The following EPHA6 variants were observed in gnomAD, a reference collection of about 807,000 sequenced individuals.
The protein encoded by EPHA6 is EPH receptor A6.
In EPHA6, 50 loss-of-function variants were observed where a neutral mutation model predicts 112.0. The ratio of observed to expected loss-of-function variants is 0.45; its 90% CI spans 0.36 to 0.56. The LOEUF (loss-of-function observed/expected upper bound fraction) is 0.56. Among genes scored for constraint, EPHA6 ranks in the 20% least tolerant of loss-of-function variants. The pLI is 0.00. For synonymous variants in EPHA6, 529 were observed against 490.7 expected (o/e 1.08, Z -1.03); for missense variants, 1,280 against 1,417.4 (o/e 0.90, Z 1.56).
At chr3:97,611,900 C>T (rs2093723367) in intron 13 of EPHA6, among the ~76,000 whole-genome samples, 1 of 151,918 alleles carries the variant, frequency 6.6e-6, no homozygotes, top group Admixed American at 6.6e-5. Context: ...TCTGGGCCCT[C>T]TTCTTCCAAC....
chr3:97,320,793 C>T (rs1276381412), intron 5 of EPHA6, among the ~76,000 whole-genome samples: 2 of 134,354 alleles, frequency 1.5e-5, no homozygotes, highest in Admixed American at 1.7e-4. Flanking sequence ...TTATTTACTA[C>T]ATCGTTCTGT....
At chr3:97,362,276 G>T (rs942603918) in intron 5 of EPHA6, among the ~76,000 whole-genome samples, 3 of 151,966 alleles carry the variant, frequency 2.0e-5, no homozygotes, top group Admixed American at 1.3e-4. Context: ...TTGATATTCA[G>T]TATTGCCAAT....
chr3:97,086,578 GAAATAT>G (rs1241414041), intron 3 of EPHA6, among the ~76,000 whole-genome samples: 1 of 151,908 alleles, frequency 6.6e-6, no homozygotes, highest in Non-Finnish European at 1.5e-5. Context: ...GGTTTTCAAT[GAAATAT>G]AAATATAAAT....
chr3:97,110,327 G>A (rs919040694), intron 3 of EPHA6, among the ~76,000 whole-genome samples: 13 of 152,080 alleles, frequency 8.5e-5, no homozygotes, highest in South Asian at 2.1e-4. Context: ...GCCCAGAGTC[G>A]TACAGCTAAA....
chr3:97,118,136 T>C (rs530809458), intron 3 of EPHA6, among the ~76,000 whole-genome samples: 1 of 151,990 alleles, frequency 6.6e-6, no homozygotes, highest in African/African-American at 2.4e-5. Context: ...ATTTAATTTT[T>C]ACTGAAGCCA....
At chr3:97,733,220 G>A (rs1038544) in intron 15 of EPHA6, among the ~76,000 whole-genome samples, 73,085 of 151,856 alleles carry the variant, frequency 0.48, 18,204 homozygotes, top group East Asian at 0.72. Flanking sequence ...ATGGAAAATA[G>A]TAACCCTGTG....
At position 96,901,113 on chromosome 3, in the gene EPHA6, T is replaced by C. The variant is rs535852448; in HGVS notation, c.450+34224T>C. Among the ~76,000 whole-genome samples the C allele has an allele frequency of 1.9e-4, 29 of 152,302 alleles. No homozygotes were observed. The South Asian group carries it at 3.3e-3, about 17-fold the overall frequency. ...TGTATAAATTATGACATTTGGTCTT[T>C]GGGGGCAACCTGTTAATAGAGACTA... On this transcript the variant is annotated intron_variant, in intron 2 of 17. Transcript: ENST00000389672.
At chr3:97,599,048 G>C (rs1454831577) in intron 12 of EPHA6, among the ~76,000 whole-genome samples, 1 of 152,024 alleles carries the variant, frequency 6.6e-6, no homozygotes. Context: ...GTGTTTTTTG[G>C]CTGCATAAAT....
At chr3:96,837,508 A>G (rs1036229345) in intron 1 of EPHA6, among the ~76,000 whole-genome samples, 2 of 152,136 alleles carry the variant, frequency 1.3e-5, no homozygotes, top group African/African-American at 4.8e-5. Context: ...AAGTGCAACT[A>G]ATTTGGTACA....
intron 2 of EPHA6, among the ~76,000 whole-genome samples, chr3:96,962,444 A>G (rs2041979168): frequency 6.6e-6 from 1 of 150,412 alleles, no homozygotes; most frequent in Non-Finnish European, 1.5e-5. Context: ...AGGAATAACA[A>G]TGATGATCTT....
chr3:97,758,342 T>A lies in EPHA6; in HGVS notation c.*9641T>A, dbSNP rs928601149. On this transcript the variant is annotated 3_prime_UTR_variant, in exon 18 of 18. Transcript: ENST00000389672. ...AAGCTTAGTGTTTACCTCTTTAAACTATATAACAAATATAACCGTAGCAAC... is the reference window on the plus strand; with the variant it reads ...AAGCTTAGTGTTTACCTCTTTAAACAATATAACAAATATAACCGTAGCAAC... Among the ~76,000 whole-genome samples the A allele has an allele frequency of 2.6e-5, 4 of 151,582 alleles. No homozygotes were observed. Among genetic ancestry groups the A allele is most frequent in the Non-Finnish European group, 5.9e-5 (4 of 67,866 alleles).
At position 96,885,200 on chromosome 3, in the gene EPHA6, C is replaced by A. The variant is rs140999737; in HGVS notation, c.450+18311C>A. The stretch of plus-strand genomic sequence containing the variant: ...CTGTAGTTTTTGTTTTTGGTTATGT[C>A]CTTTCCTGGTTTTGGTATTAGGGTG... On this transcript the variant is annotated intron_variant, in intron 2 of 17. Transcript: ENST00000389672. Among the ~76,000 whole-genome samples, 118 of 152,068 alleles carry A rather than the reference C, an allele frequency of 7.8e-4. 1 individual carries two copies. The highest frequency in any genetic ancestry group is 2.7e-3 in the African/African-American group (113 of 41,494).
chr3:97,202,014 T>G (rs2108499165), intron 3 of EPHA6, among the ~76,000 whole-genome samples: 1 of 152,232 alleles, frequency 6.6e-6, no homozygotes, highest in Admixed American at 6.5e-5. Context: ...ATGATGCTGT[T>G]TTTACATCTG....
At chr3:97,090,839 G>T (rs1213693860) in intron 3 of EPHA6, among the ~76,000 whole-genome samples, 1 of 151,982 alleles carries the variant, frequency 6.6e-6, no homozygotes, top group Non-Finnish European at 1.5e-5. Flanking sequence ...TTTTTAAATT[G>T]CTTTTTTAGA....
At chr3:96,931,022 G>GAA (rs2040297475) in intron 2 of EPHA6, among the ~76,000 whole-genome samples, 2 of 101,176 alleles carry the variant, frequency 2.0e-5, no homozygotes, top group Non-Finnish European at 4.1e-5. Context: ...AAAAAAAAAA[G>GAA]AAAAGCTTTC....
At chr3:97,294,197 T>A (rs947524826) in intron 5 of EPHA6, among the ~76,000 whole-genome samples, 1 of 152,120 alleles carries the variant, frequency 6.6e-6, no homozygotes, top group South Asian at 2.1e-4. Context: ...CTGTGCCAAT[T>A]CATAGTGGGC....
intron 2 of EPHA6, among the ~76,000 whole-genome samples, chr3:96,939,008 C>G (rs1042035208): frequency 1.4e-4 from 21 of 152,002 alleles, no homozygotes; most frequent in Non-Finnish European, 2.6e-4. Flanking sequence ...TTTGGTTTGC[C>G]AGTATTTTAT....
chr3:97,744,807 A>T (rs2035643461), intron 16 of EPHA6, among the ~76,000 whole-genome samples: 1 of 152,104 alleles, frequency 6.6e-6, no homozygotes, highest in Admixed American at 6.6e-5. Context: ...AAGAAGTAGA[A>T]GTCATCTGAC....
chr3:96,817,594 A>G (rs903630129), intron 1 of EPHA6, among the ~76,000 whole-genome samples: 18 of 151,932 alleles, frequency 1.2e-4, no homozygotes, highest in African/African-American at 4.3e-4. Context: ...TAATGTTTTA[A>G]TTTTGAAATT....
Sources: gnomAD v4.1 joint callset for allele counts (sites outside exome capture counted in the v4.1 genomes callset) on GRCh38, gnomAD v4.1.1 for gene constraint, MANE v1.5 for transcripts, NCBI Gene and HGNC (gene_info 2026-07-23, HGNC 2026-07-21) for gene names.